CDH3: variants seen among roughly 807,000 people sequenced by gnomAD.
CDH3 encodes the protein cadherin 3.
In CDH3, 54 loss-of-function variants were observed where a neutral mutation model predicts 82.0. The observed-to-expected ratio is 0.66, with a 90% confidence interval of 0.53 to 0.83. The LOEUF (loss-of-function observed/expected upper bound fraction) is 0.83. Ranked by LOEUF, CDH3 falls within the 40% of genes least tolerant of loss-of-function variation. The probability of loss-of-function intolerance (pLI) is 0.00; values close to 1 mark genes in which losing one functional copy is unlikely to be tolerated. For synonymous variants in CDH3, 446 were observed against 437.9 expected, an observed-to-expected ratio of 1.02 and a Z score of -0.23; for missense variants, 1,054 against 1,084.6, an observed-to-expected ratio of 0.97 and a Z score of 0.40.
chr16:68,700,250 C>G lies in CDH3; in HGVS notation c.*1850C>G, dbSNP rs2152108581. 1 of 152,318 alleles carries G rather than the reference C, an allele frequency of 6.6e-6. No homozygotes were observed. The highest frequency in any genetic ancestry group is 2.4e-5 in the African/African-American group (1 of 41,578). The allele number at this position is 152,318 out of a possible 1,614,324, so 9.4% of individuals were successfully genotyped here. A position where few individuals can be genotyped will look rare whatever the true frequency, so the allele number is the denominator to read the frequency against. On this transcript the variant is annotated 3_prime_UTR_variant, in exon 16 of 16. Transcript: ENST00000264012. Reference sequence around the variant, plus strand: ...TTAGCCAAAAGAATCTGAAGTGAAGCTGAGGAAATTGCTGATGTTGAAATA... The same window carrying G: ...TTAGCCAAAAGAATCTGAAGTGAAGGTGAGGAAATTGCTGATGTTGAAATA...
At chr16:68,677,931 T>C (rs1961077533) in intron 3 of CDH3, among the ~76,000 whole-genome samples, 2 of 152,024 alleles carry the variant, frequency 1.3e-5, no homozygotes, top group African/African-American at 4.8e-5. Context: ...CTTAACTTTT[T>C]TTTTTTTTTA....
intron 11 of CDH3, among the ~76,000 whole-genome samples, chr16:68,686,858 C>T (rs1961426188): frequency 6.6e-6 from 1 of 152,116 alleles, no homozygotes; most frequent in Non-Finnish European, 1.5e-5. Flanking sequence ...GTCCCAGCTA[C>T]TCAGGAGGCT....
chr16:68,668,854 C>CT (rs1960811873), intron 2 of CDH3, among the ~76,000 whole-genome samples: 1 of 152,138 alleles, frequency 6.6e-6, no homozygotes, highest in Admixed American at 6.5e-5. Flanking sequence ...TCTAAGGTAC[C>CT]TTTTTATTGA....
In CDH3 at chr16:68,690,159, C is replaced by T. The variant is rs1256287048; in HGVS notation, c.1796-1561C>T. On this transcript the variant is annotated intron_variant, in intron 12 of 15. Transcript: ENST00000264012. ...TTCTGCTCTGTGGTTAGCCTGCCAC[C>T]CCCTGGGCCTTGGAAGGCCAGTTAG... Among the ~76,000 whole-genome samples the T allele has an allele frequency of 2.6e-5, 4 of 152,310 alleles. No individual in the cohort carries two copies. The South Asian group carries it at 6.2e-4, about 24-fold the overall frequency.
chr16:68,659,989 T>G (rs1324858748), intron 2 of CDH3, among the ~76,000 whole-genome samples: 1 of 152,234 alleles, frequency 6.6e-6, no homozygotes, highest in Non-Finnish European at 1.5e-5. Context: ...GTCTTTTACA[T>G]GGTGAATGTA....
chr16:68,692,116 A>G lies in CDH3; in HGVS notation c.2002+190A>G, dbSNP rs368183349. On this transcript the variant is annotated intron_variant, in intron 13 of 15. Coordinates refer to ENST00000264012, the MANE Select transcript of CDH3 (RefSeq NM_001793.6). ...CAGTGGCATGATCTCGGCTCATTGCAACTTCTGCCTCCCAGGCTCAAATGA... is the reference window on the plus strand; with the variant it reads ...CAGTGGCATGATCTCGGCTCATTGCGACTTCTGCCTCCCAGGCTCAAATGA... 2.0e-4 allele frequency among the ~76,000 whole-genome samples: 31 copies of G among 152,154 alleles called. No individual in the cohort carries two copies. The East Asian group carries it at 5.8e-3, about 28-fold the overall frequency.
At chr16:68,706,490 C>A (rs1961965635) in intron 1 of CDH3, among the ~76,000 whole-genome samples, 1 of 145,316 alleles carries the variant, frequency 6.9e-6, no homozygotes. Context: ...TGCCTGGGGA[C>A]AGAACTGGGG....
intron 2 of CDH3, among the ~76,000 whole-genome samples, chr16:68,674,969 T>C (rs935780403): frequency 2.1e-5 from 1 of 47,128 alleles, no homozygotes; most frequent in South Asian, 7.3e-4. Context: ...AAAAATTAGC[T>C]AGGCATGGTG....
intron 2 of CDH3, among the ~76,000 whole-genome samples, chr16:68,723,130 A>C (rs13332586): frequency 0.049 from 7,383 of 151,796 alleles, 584 homozygotes; most frequent in African/African-American, 0.17. Context: ...ATTATAAAGT[A>C]TAATAATATA....
Position 68,698,549 on chromosome 16 carries a change from G to A in CDH3, c.*149G>A, listed in dbSNP as rs549357874. ...GACAGGCTATGAGTCTGACGTTAGA[G>A]TGGTGGCTTCCTTAGCCTTTCAGGA... On this transcript the variant is annotated 3_prime_UTR_variant, in exon 16 of 16. Coordinates refer to ENST00000264012, the MANE Select transcript of CDH3 (RefSeq NM_001793.6). The A allele has an allele frequency of 7.2e-6, 5 of 693,444 alleles. No individual in the cohort carries two copies. The East Asian group carries it at 1.1e-4, about 15-fold the overall frequency. The allele number at this position is 693,444 out of a possible 1,614,324, so 43.0% of individuals were successfully genotyped here.
At chr16:68,720,167 TCCAAA>T (rs1217838762) in intron 1 of CDH3, among the ~76,000 whole-genome samples, 9 of 149,536 alleles carry the variant, frequency 6.0e-5, no homozygotes, top group East Asian at 2.0e-4. Context: ...AAGAAAAAAC[TCCAAA>T]CCAAACCAAA....
chr16:68,671,138 G>T (rs921971661), intron 2 of CDH3, among the ~76,000 whole-genome samples: 12 of 150,120 alleles, frequency 8.0e-5, no homozygotes, highest in Non-Finnish European at 1.5e-4. Flanking sequence ...GAAGGGGAGG[G>T]ATTTTAGATT....
In CDH3 at chr16:68,666,553, G is replaced by A. The variant is rs568086228; in HGVS notation, c.161-9832G>A. Among the ~76,000 whole-genome samples the A allele has an allele frequency of 1.6e-4, 24 of 152,132 alleles. No homozygotes were observed. In the East Asian group the frequency reaches 4.1e-3, roughly 26 times the overall value. On this transcript the variant is annotated intron_variant, in intron 2 of 15. Coordinates refer to ENST00000264012, the MANE Select transcript of CDH3 (RefSeq NM_001793.6). ...ACTTTGCTGCCCTATGACCTCTCCC[G>A]TGGGTCTCCTCAAAACGGGTCTGGC...
intron 1 of CDH3, among the ~76,000 whole-genome samples, chr16:68,710,810 A>G (rs1344209982): frequency 2.0e-5 from 3 of 150,222 alleles, no homozygotes; most frequent in Non-Finnish European, 3.0e-5. Context: ...GAGTGACTGC[A>G]CTCCAGCCTG....
At chr16:68,678,021 T>TC in intron 3 of CDH3, 113 bp from the exon 4 acceptor site, 2 of 980,970 alleles carry the variant, frequency 2.0e-6, no homozygotes, top group African/African-American at 3.2e-5. Context: ...AGTACTGGGA[T>TC]TATAGGCGTG....
chr16:68,678,378 G>A (rs1216352090), intron 4 of CDH3, 101 bp downstream of exon 4: 2 of 1,588,484 alleles, frequency 1.3e-6, no homozygotes, highest in African/African-American at 1.3e-5. Flanking sequence ...GGCTGAGACA[G>A]AAAAACCTCT....
chr16:68,661,464 T>C (rs1212500557), intron 2 of CDH3, among the ~76,000 whole-genome samples: 1 of 152,232 alleles, frequency 6.6e-6, no homozygotes, highest in Non-Finnish European at 1.5e-5. Context: ...CAATGTTAAG[T>C]GCCAGTGGCA....
chr16:68,656,818 G>T (rs558645856), intron 2 of CDH3, among the ~76,000 whole-genome samples: 1 of 152,258 alleles, frequency 6.6e-6, no homozygotes, highest in African/African-American at 2.4e-5. Context: ...CCTGCTAATC[G>T]CCAGGAGGGT....
chr16:68,661,685 G>A (rs947062311), intron 2 of CDH3, among the ~76,000 whole-genome samples: 2 of 152,068 alleles, frequency 1.3e-5, no homozygotes, highest in Admixed American at 6.6e-5. Flanking sequence ...ATAATCACTA[G>A]TAACTTTTTT....
Sources: gnomAD v4.1 joint callset for allele counts (sites outside exome capture counted in the v4.1 genomes callset) on GRCh38, gnomAD v4.1.1 for gene constraint, MANE v1.5 for transcripts, NCBI Gene and HGNC (gene_info 2026-07-23, HGNC 2026-07-21) for gene names.